The following SPAG5 variants were observed in gnomAD, a reference collection of about 807,000 sequenced individuals.
SPAG5 encodes the protein sperm-associated antigen 5.
In SPAG5, 99 loss-of-function variants were observed where a neutral mutation model predicts 145.4. The ratio of observed to expected loss-of-function variants is 0.68; its 90% CI spans 0.58 to 0.80. The LOEUF (loss-of-function observed/expected upper bound fraction) is 0.80, where lower values mean the gene tolerates loss of function less well. SPAG5 is among the 30% of genes least tolerant of loss of function. The probability of loss-of-function intolerance (pLI) is 0.00; values close to 1 mark genes in which losing one functional copy is unlikely to be tolerated. For synonymous variants in SPAG5, 477 were observed against 525.4 expected, an observed-to-expected ratio of 0.91 and a Z score of 1.26; for missense variants, 1,192 against 1,416.0, an observed-to-expected ratio of 0.84 and a Z score of 2.54.
At chr17:28,590,699 T>C (rs997902927) in intron 4 of SPAG5, among the ~76,000 whole-genome samples, 1 of 151,706 alleles carries the variant, frequency 6.6e-6, no homozygotes, top group Non-Finnish European at 1.5e-5. Flanking sequence ...TGAAACCCTG[T>C]CTCTACTAAA....
intron 4 of SPAG5, among the ~76,000 whole-genome samples, chr17:28,590,829 A>G (rs1017237058): frequency 1.3e-4 from 17 of 134,870 alleles, no homozygotes; most frequent in Admixed American, 7.9e-4. Flanking sequence ...AGACCAGGCC[A>G]TTGCACTCCA....
intron 1 of SPAG5, 123 bp from the exon 2 acceptor site, chr17:28,598,758 C>A: frequency 6.6e-7 from 1 of 1,515,010 alleles, no homozygotes; most frequent in Non-Finnish European, 9.1e-7. Context: ...CCTAGTCGCG[C>A]AGGAGCAGCA....
At chr17:28,584,296 G>A in intron 12 of SPAG5, 37 bp downstream of exon 12, 2 of 1,613,926 alleles carry the variant, frequency 1.2e-6, no homozygotes, top group Non-Finnish European at 1.7e-6. Flanking sequence ...CCTAAATCCT[G>A]GATGCCTACT....
intron 9 of SPAG5, 37 bp from the exon 10 acceptor site, chr17:28,585,252 T>C (rs1490724751): frequency 1.9e-6 from 3 of 1,612,218 alleles, no homozygotes; most frequent in Admixed American, 3.3e-5. Context: ...AGAGCACACT[T>C]GAGGCAAAGC....
Position 28,584,654 on chromosome 17 carries a change from G to C in SPAG5, c.2159C>G (p.Thr720Arg), listed in dbSNP as rs375103871. ...QLELENSRLATDLRAQLQILA... is the reference protein window; with the variant it reads ...QLELENSRLARDLRAQLQILA... ...TACACACACACACACACAAACACCT[G>C]TTGCTAGACGACTGTTTTCCAACTC... Residue 720 changes from threonine to arginine, a missense_variant and splice_region_variant, in exon 11 of 24, where the codon ACA (threonine) becomes AGA (arginine). Thr to Arg is a moderately conservative substitution (Grantham distance 71). Transcript: ENST00000321765. The C allele has an allele frequency of 6.2e-7, 1 of 1,613,198 alleles. No homozygotes were observed. Among genetic ancestry groups the C allele is most frequent in the Non-Finnish European group, 8.5e-7 (1 of 1,179,326 alleles).
intron 15 of SPAG5, 163 bp from the exon 16 acceptor site, chr17:28,580,283 T>C: frequency 2.3e-6 from 1 of 429,950 alleles, no homozygotes; most frequent in Non-Finnish European, 4.2e-6. Flanking sequence ...GTTTATATTC[T>C]TAAGCCTCTC....
intron 4 of SPAG5, among the ~76,000 whole-genome samples, chr17:28,587,557 ATTT>A (rs999589052): frequency 2.0e-5 from 3 of 151,494 alleles, no homozygotes; most frequent in African/African-American, 4.9e-5. Flanking sequence ...AAAAAAAAAA[ATTT>A]TTTTTCATTA....
Position 28,585,992 on chromosome 17 carries a change from G to C in SPAG5, c.1612C>G (p.Arg538Gly). 6.2e-7 allele frequency: 1 copy of C among 1,614,136 alleles called. No individual in the cohort carries two copies. Among genetic ancestry groups the C allele is most frequent in the Non-Finnish European group, 8.5e-7 (1 of 1,180,034 alleles). Residue 538 changes from arginine (R) to glycine (G), a missense_variant, in exon 7 of 24, where the codon CGT becomes GGT. Arg to Gly is a moderately radical substitution (Grantham distance 125, BLOSUM62 -2). Coordinates refer to ENST00000321765, the MANE Select transcript of SPAG5 (RefSeq NM_006461.4). ...DKTTVSQESR[R>G]AETLVCCCFD... is the part of the protein sequence containing the mutation. ...CAGCAACAGACCAATGTTTCTGCAC[G>C]CCGAGACTATATGGTAAGAATCAGT... is the stretch of plus-strand genomic sequence containing the variant.
At chr17:28,584,850 C>G in intron 10 of SPAG5, 105 bp from the exon 11 acceptor site, 2 of 930,754 alleles carry the variant, frequency 2.1e-6, no homozygotes, top group South Asian at 2.8e-5. Context: ...TACCTTGCTC[C>G]TGGGCATCAA....
In SPAG5 at chr17:28,592,625, G is replaced by A. The variant is rs201859247; in HGVS notation, c.619C>T (p.Pro207Ser). The change falls in exon 3 of 24, where the codon CCA becomes TCA. Residue 207 changes from proline to serine, a missense_variant. Pro to Ser is a moderately conservative substitution (Grantham distance 74). This residue lies in a region of SPAG5 where 329 missense variants were observed against 354.0 expected (regional missense o/e 0.93). Transcript: ENST00000321765. ...TGTAGTTGTTCAGAACAGGGATTTGGTGGAGACTCCTCTAAGAGATGGGAC... is the reference window on the plus strand; with the variant it reads ...TGTAGTTGTTCAGAACAGGGATTTGATGGAGACTCCTCTAAGAGATGGGAC... ...SPSHLLEESP[P>S]NPCSEQLHCS... is the part of the protein sequence containing the mutation. 6.2e-7 allele frequency: 1 copy of A among 1,614,132 alleles called. No homozygotes were observed. The highest frequency in any genetic ancestry group is 2.2e-5 in the East Asian group (1 of 44,896).
chr17:28,598,501 G>C lies in SPAG5; in HGVS notation c.177+9C>G. The C allele has an allele frequency of 6.2e-7, 1 of 1,612,924 alleles. No homozygotes were observed. Among genetic ancestry groups the C allele is most frequent in the Non-Finnish European group, 8.5e-7 (1 of 1,179,758 alleles). On this transcript the variant is annotated intron_variant, in intron 2 of 23. Transcript: ENST00000321765. Reference sequence around the variant, plus strand: ...AGCCCAGTCGAGAAGCTGTCCAGGCGAATCTCACCTGCAGCCCCAGCTTGC... The same window carrying C: ...AGCCCAGTCGAGAAGCTGTCCAGGCCAATCTCACCTGCAGCCCCAGCTTGC...
intron 15 of SPAG5, among the ~76,000 whole-genome samples, chr17:28,582,040 T>C (rs1344934703): frequency 6.6e-6 from 1 of 152,236 alleles, no homozygotes; most frequent in Non-Finnish European, 1.5e-5. Flanking sequence ...CTACTGCCTC[T>C]GCTTCCTAAA....
chr17:28,583,375 G>T, intron 15 of SPAG5, 136 bp downstream of exon 15: 1 of 911,546 alleles, frequency 1.1e-6, no homozygotes. Context: ...AAAGGTTTGA[G>T]CAACAGGCTA....
chr17:28,598,417 C>T, intron 2 of SPAG5, 93 bp downstream of exon 2: 1 of 1,424,072 alleles, frequency 7.0e-7, no homozygotes, highest in Non-Finnish European at 9.4e-7. Context: ...ACTTCATTAT[C>T]GTTATTAATT....
At chr17:28,580,648 G>A (rs723267) in intron 15 of SPAG5, 3 of 152,346 alleles carry the variant, frequency 2.0e-5, no homozygotes, top group African/African-American at 7.2e-5. Context: ...TTAGCTTCCA[G>A]GACATGAGTC....
chr17:28,578,513 C>T lies in SPAG5; in HGVS notation c.3214G>A (p.Val1072Met). Residue 1072 changes from valine (V) to methionine (M), a missense_variant, in exon 21 of 24, where the codon GTG becomes ATG. Val to Met is a conservative substitution (Grantham distance 21). Coordinates refer to ENST00000321765, the MANE Select transcript of SPAG5 (RefSeq NM_006461.4). ...SGELISLREE[V>M]THLTRSLRRA... ...CGAAGTGAGCGGGTAAGGTGGGTCA[C>T]CTCCTCTCTAAGGCTCTGGGAATGA... 1 of 1,610,872 alleles carries T rather than the reference C, an allele frequency of 6.2e-7. No individual in the cohort carries two copies. Among genetic ancestry groups the T allele is most frequent in the Non-Finnish European group, 8.5e-7 (1 of 1,179,998 alleles).
Position 28,593,020 on chromosome 17 carries a change from C to T in SPAG5, c.224G>A (p.Arg75Lys). ...SSPVDFVNNK[R>K]TDLSSEHFSH... is the part of the protein sequence containing the mutation. ...GAAATGTTCTGAAGATAAGTCTGTC[C>T]TCTTGTTATTTACAAAATCCACTGG... Residue 75 changes from arginine (R) to lysine (K), a missense_variant, in exon 3 of 24, where the codon AGG becomes AAG. Around this residue, in one of 5 missense-constraint regions of SPAG5, gnomAD observed 329 missense variants for 354.0 expected, o/e 0.93. Transcript: ENST00000321765. 1.2e-6 allele frequency: 2 copies of T among 1,614,134 alleles called. No homozygotes were observed. The highest frequency in any genetic ancestry group is 1.7e-6 in the Non-Finnish European group (2 of 1,180,008).
rs151239515 is a variant in SPAG5 at position 28,578,277 on chromosome 17, C to T, written c.3370G>A (p.Val1124Met). 3.0e-5 allele frequency: 48 copies of T among 1,614,182 alleles called. No homozygotes were observed. The South Asian group carries it at 4.1e-4, about 14-fold the overall frequency. Residue 1124 changes from valine (V) to methionine (M), a missense_variant, in exon 22 of 24, where the codon GTG (valine) becomes ATG (methionine). Coordinates refer to ENST00000321765, the MANE Select transcript of SPAG5 (RefSeq NM_006461.4). The stretch of plus-strand genomic sequence containing the variant: ...TCATTTTTCATCTCCAGGAACATCA[C>T]TCTCAGTTTGTCCACCTAGAAATAT... ...WLSQEVDKLR[V>M]MFLEMKNEKE...
chr17:28,584,019 G>A, intron 13 of SPAG5, 33 bp from the exon 14 acceptor site: 1 of 1,613,496 alleles, frequency 6.2e-7, no homozygotes, highest in African/African-American at 1.3e-5. Context: ...AAGACAGGGA[G>A]GGAGAATTTT....
Sources: gnomAD v4.1 joint callset for allele counts (sites outside exome capture counted in the v4.1 genomes callset) on GRCh38, gnomAD v4.1.1 for gene constraint, gnomAD v4.1.1 regional missense constraint, MANE v1.5 for transcripts, NCBI Gene and HGNC (gene_info 2026-07-23, HGNC 2026-07-21) for gene names.